The following KAZN variants were observed in gnomAD, a reference collection of about 807,000 sequenced individuals.
KAZN encodes the protein kazrin, periplakin interacting protein.
KAZN carries 40 observed loss-of-function variants against 87.4 expected under a neutral mutation model. That is an observed-to-expected ratio of 0.46 (90% confidence interval 0.36 to 0.60). KAZN has a LOEUF of 0.60. KAZN is among the 20% of genes least tolerant of loss of function. The pLI, the probability that KAZN is intolerant of heterozygous loss-of-function variation, is 0.00. For synonymous variants in KAZN, 466 were observed against 458.3 expected (o/e 1.02, Z -0.22); for missense variants, 898 against 1,073.9 (o/e 0.84, Z 2.29).
intron 1 of KAZN, among the ~76,000 whole-genome samples, chr1:14,867,167 G>A (rs899024311): frequency 1.3e-4 from 20 of 152,242 alleles, no homozygotes; most frequent in Admixed American, 1.2e-3. Flanking sequence ...CAGGGGAGCA[G>A]CCACGTTCAG....
At position 15,056,223 on chromosome 1, in the gene KAZN, C is replaced by A; in HGVS notation, c.859C>A (p.Arg287=). ...QADLPLTAAI[R]QSQQTLYHSH... ...GGACCTCCCGCTGACCGCAGCCATC[C>A]GGCAGAGTCAACAGACTCTCTACCA... is the stretch of plus-strand genomic sequence containing the variant. The change falls in exon 5 of 15, where the codon CGG becomes AGG. Residue 287 remains arginine, a synonymous_variant. Transcript: ENST00000376030. The surrounding 1 kb of genome is among the most constrained non-coding windows in gnomAD (Gnocchi z 5.4). The A allele has an allele frequency of 1.2e-6, 2 of 1,614,052 alleles. No individual in the cohort carries two copies. Among genetic ancestry groups the A allele is most frequent in the Non-Finnish European group, 1.7e-6 (2 of 1,179,982 alleles).
intron 2 of KAZN, among the ~76,000 whole-genome samples, chr1:14,589,612 A>T (rs968959116): frequency 6.6e-6 from 1 of 152,168 alleles, no homozygotes; most frequent in African/African-American, 2.4e-5. Flanking sequence ...GGCTCAAGGG[A>T]CAAGATCTAC....
chr1:14,413,469 A>T (rs1360121714), intron 2 of KAZN, among the ~76,000 whole-genome samples: 1 of 151,862 alleles, frequency 6.6e-6, no homozygotes, highest in Non-Finnish European at 1.5e-5. Context: ...GGGTGCCTGT[A>T]GTCCCAGTTA....
At chr1:14,905,264 G>A (rs1341463063) in intron 1 of KAZN, among the ~76,000 whole-genome samples, 3 of 152,060 alleles carry the variant, frequency 2.0e-5, no homozygotes, top group Admixed American at 6.6e-5. Context: ...TCACCATAAT[G>A]GCCAGGCTGG....
At chr1:13,942,069 T>C (rs1412324340) in intron 1 of KAZN, among the ~76,000 whole-genome samples, 1 of 152,168 alleles carries the variant, frequency 6.6e-6, no homozygotes, top group Non-Finnish European at 1.5e-5. Context: ...GGAAGGTCCC[T>C]GGCAATTCCA....
chr1:14,113,434 G>A (rs145991234), intron 1 of KAZN, among the ~76,000 whole-genome samples: 44 of 152,224 alleles, frequency 2.9e-4, no homozygotes, highest in African/African-American at 1.0e-3. Flanking sequence ...CACTTTCCCC[G>A]AAAAATGCAG....
At chr1:14,788,149 C>T (rs1645565739) in intron 1 of KAZN, among the ~76,000 whole-genome samples, 1 of 152,184 alleles carries the variant, frequency 6.6e-6, no homozygotes, top group Non-Finnish European at 1.5e-5. Context: ...GGGCTCTGTG[C>T]ACCTGCCTGG....
At chr1:14,381,759 C>A (rs185851500) in intron 2 of KAZN, among the ~76,000 whole-genome samples, 224 of 152,182 alleles carry the variant, frequency 1.5e-3, no homozygotes, top group African/African-American at 4.9e-3. Context: ...TCTCTAAGAT[C>A]AGGAACACAA....
chr1:15,114,100 C>T (rs1378740463), intron 14 of KAZN: 1 of 186,470 alleles, frequency 5.4e-6, no homozygotes, highest in East Asian at 1.4e-4. Context: ...AGTCAGACCT[C>T]ATGGGCCTGC....
chr1:14,713,705 C>T (rs1011363002), intron 1 of KAZN, among the ~76,000 whole-genome samples: 3 of 138,344 alleles, frequency 2.2e-5, no homozygotes, highest in Middle Eastern at 3.9e-3. Flanking sequence ...TTTGGGAGGC[C>T]GAGATAGGAG....
At chr1:14,589,356 G>A (rs952011908) in intron 2 of KAZN, among the ~76,000 whole-genome samples, 1 of 150,688 alleles carries the variant, frequency 6.6e-6, no homozygotes, top group Non-Finnish European at 1.5e-5. Context: ...GGGAGGGGGG[G>A]CAGTCAATTA....
chr1:14,032,430 G>A (rs1641367283), intron 1 of KAZN, among the ~76,000 whole-genome samples: 1 of 152,178 alleles, frequency 6.6e-6, no homozygotes, highest in African/African-American at 2.4e-5. Flanking sequence ...TGGCCCCAGA[G>A]CCTGTGCCCT....
At chr1:14,838,977 G>T (rs1295608903) in intron 1 of KAZN, among the ~76,000 whole-genome samples, 2 of 152,172 alleles carry the variant, frequency 1.3e-5, no homozygotes, top group Admixed American at 6.5e-5. Flanking sequence ...TTGAAGAAAA[G>T]AGAGAAGGGC....
At chr1:13,948,518 A>G (rs1641229092) in intron 1 of KAZN, among the ~76,000 whole-genome samples, 1 of 152,084 alleles carries the variant, frequency 6.6e-6, no homozygotes, top group African/African-American at 2.4e-5. Context: ...TTCGGTGTAA[A>G]TTACCCAGTC....
chr1:15,094,588 C>T lies in KAZN; in HGVS notation c.1428+203C>T, dbSNP rs1640717279. 6.6e-6 allele frequency among the ~76,000 whole-genome samples: 1 copy of T among 152,208 alleles called. No individual in the cohort carries two copies. Among genetic ancestry groups the T allele is most frequent in the South Asian group, 2.1e-4 (1 of 4,832 alleles). Reference sequence around the variant, plus strand: ...AGAGCCCTCAGCTGCCTCATCCTGACAATGGACCCAGGTTTCCTTTACCTG... The same window carrying T: ...AGAGCCCTCAGCTGCCTCATCCTGATAATGGACCCAGGTTTCCTTTACCTG... On this transcript the variant is annotated intron_variant, in intron 9 of 14. Transcript: ENST00000376030. This position sits in a 1 kb window ranked among gnomAD's most constrained non-coding sequence, Gnocchi z 4.5.
chr1:15,050,159 GGAATAGAATAGAATAGA>G (rs1228627252), intron 4 of KAZN, among the ~76,000 whole-genome samples: 4,135 of 131,324 alleles, frequency 0.031, 218 homozygotes, highest in East Asian at 0.26. Context: ...AGAATAGAAT[GGAATAGAATAGAATAGA>G]ATAGAATAGA....
intron 1 of KAZN, among the ~76,000 whole-genome samples, chr1:13,903,847 A>T (rs769238403): frequency 6.6e-6 from 1 of 152,072 alleles, no homozygotes; most frequent in Non-Finnish European, 1.5e-5. Context: ...AAAAGACAGA[A>T]GTTTTGACCT....
chr1:14,593,251 C>T (rs916589196), intron 2 of KAZN, among the ~76,000 whole-genome samples: 7 of 152,092 alleles, frequency 4.6e-5, no homozygotes, highest in Admixed American at 2.0e-4. Flanking sequence ...ATGAGAGTAG[C>T]GAGAATATTT....
chr1:14,304,198 T>G (rs1236060983), intron 2 of KAZN, among the ~76,000 whole-genome samples: 1 of 152,234 alleles, frequency 6.6e-6, no homozygotes, highest in African/African-American at 2.4e-5. Flanking sequence ...CAGTTCAGAA[T>G]TCATGCAAAG....
Sources: allele counts gnomAD v4.1 joint callset (sites outside exome capture counted in the v4.1 genomes callset), GRCh38; gene constraint gnomAD v4.1.1; non-coding constraint Gnocchi (gnomAD v3.1); transcripts MANE v1.5; gene names NCBI Gene and HGNC (gene_info 2026-07-23, HGNC 2026-07-21).